The following ZFAND4 variants were observed in gnomAD, a reference collection of about 807,000 sequenced individuals.
ZFAND4 encodes AN1-type zinc finger protein 4.
ZFAND4 carries 43 observed loss-of-function variants against 64.4 expected under a neutral mutation model. That is an observed-to-expected ratio of 0.67 (90% CI 0.52 to 0.86). The LOEUF is 0.86. ZFAND4 is among the 40% of genes least tolerant of loss of function. ZFAND4 has a pLI of 0.00. For synonymous variants in ZFAND4, 296 were observed against 305.7 expected (o/e 0.97, Z 0.33); for missense variants, 929 against 859.8 (o/e 1.08, Z -1.01).
rs1296050419 is a variant in ZFAND4, at chr10:45,626,662, T to C, written c.1161A>G (p.Glu387=). 1.9e-6 allele frequency: 3 copies of C among 1,614,226 alleles called. No individual in the cohort carries two copies. In the East Asian group the frequency reaches 6.7e-5, roughly 36 times the overall value. Residue 387 remains glutamate (E), a synonymous_variant, in exon 7 of 10, where the codon GAA becomes GAG. Transcript: ENST00000344646. ...SNGNIVLPSE[E]CVTEQSLLPK... ...GTAGAAGTGATTGTTCGGTTACACA[T>C]TCTTCTGAAGGTAAGACAATGTTCC...
chr10:45,653,434 A>G (rs1166782606), intron 2 of ZFAND4, among the ~76,000 whole-genome samples: 2 of 152,202 alleles, frequency 1.3e-5, no homozygotes, highest in African/African-American at 4.8e-5. Flanking sequence ...TCTGACAAAG[A>G]TCTAATATCT....
rs567755562 is a variant in ZFAND4, at chr10:45,645,716, T to A, written c.569+2578A>T. ...TTCCCATGCTTTCAAAAGTAGAAAT[T>A]AAGTGATATCTCTATTCCCACAGAA... On this transcript the variant is annotated intron_variant, in intron 5 of 9. Transcript: ENST00000344646. Among the ~76,000 whole-genome samples, 3 of 152,286 alleles carry A rather than the reference T, an allele frequency of 2.0e-5. No individual in the cohort carries two copies. The South Asian group carries it at 6.2e-4, about 32-fold the overall frequency.
chr10:45,665,296 T>C (rs558788626), intron 1 of ZFAND4, among the ~76,000 whole-genome samples: 161 of 152,204 alleles, frequency 1.1e-3, no homozygotes, highest in African/African-American at 3.7e-3. Flanking sequence ...TCCCAGCACG[T>C]TGGGAGGCCG....
chr10:45,629,987 C>G (rs2046095350), intron 6 of ZFAND4, among the ~76,000 whole-genome samples: 1 of 152,076 alleles, frequency 6.6e-6, no homozygotes, highest in Non-Finnish European at 1.5e-5. Flanking sequence ...TACTTCCCTA[C>G]ACAAAATCCT....
rs1271512991 is a variant in ZFAND4, at chr10:45,648,480, A to G, written c.383T>C (p.Val128Ala). The change falls in exon 5 of 10, where the codon GTT (valine) becomes GCT (alanine). Residue 128 changes from valine (V) to alanine (A), a missense_variant. Val to Ala is a moderately conservative substitution (Grantham distance 64). Transcript: ENST00000344646. The stretch of plus-strand genomic sequence containing the variant: ...GCAGGAGGTCTTCTCCCAGACCTCA[A>G]CTCGACTGGAATCCAAGTACTCTGC... ...KMAEYLDSSR[V>A]EVWEKTSCSK... The G allele has an allele frequency of 6.2e-7, 1 of 1,613,566 alleles. No individual in the cohort carries two copies. The highest frequency in any genetic ancestry group is 8.5e-7 in the Non-Finnish European group (1 of 1,179,864).
Position 45,649,438 on chromosome 10 carries a change from G to C in ZFAND4, c.329-904C>G, listed in dbSNP as rs75754797. Among the ~76,000 whole-genome samples, 568 of 152,212 alleles carry C rather than the reference G, an allele frequency of 3.7e-3. 13 individuals are homozygous for C. In the East Asian group the frequency reaches 0.051, roughly 14 times the overall value. On this transcript the variant is annotated intron_variant, in intron 4 of 9. Transcript: ENST00000344646. ...GAAACATCTGTTTTCTCCTAAAAGA[G>C]GTAAAGATTTCCCAAGCTGCATAAC...
At chr10:45,664,929 C>G (rs559098486) in intron 1 of ZFAND4, among the ~76,000 whole-genome samples, 1 of 150,666 alleles carries the variant, frequency 6.6e-6, no homozygotes, top group East Asian at 2.0e-4. Flanking sequence ...AGACTCTGGT[C>G]TCAAAAACAA....
intron 6 of ZFAND4, among the ~76,000 whole-genome samples, chr10:45,633,991 C>A (rs2046385240): frequency 1.3e-5 from 2 of 152,038 alleles, no homozygotes; most frequent in Admixed American, 1.3e-4. Flanking sequence ...ATTATTAAGA[C>A]CTGGGAAATA....
At chr10:45,618,043 T>A in intron 9 of ZFAND4, 97 bp downstream of exon 9, 1 of 1,274,950 alleles carries the variant, frequency 7.8e-7, no homozygotes, top group South Asian at 1.5e-5. Context: ...ATCTTAATGA[T>A]GTTATAAACA....
chr10:45,622,034 CAAG>C (rs1484443892), intron 8 of ZFAND4, among the ~76,000 whole-genome samples: 1 of 151,994 alleles, frequency 6.6e-6, no homozygotes, highest in East Asian at 1.9e-4. Flanking sequence ...TGCAAATTTC[CAAG>C]AAGATCAGTT....
At chr10:45,625,391 G>A (rs1293369266) in intron 7 of ZFAND4, among the ~76,000 whole-genome samples, 1 of 149,194 alleles carries the variant, frequency 6.7e-6, no homozygotes, top group African/African-American at 2.5e-5. Flanking sequence ...GGAGAATGGC[G>A]TGAACCCGGG....
rs2044933243 is a variant in ZFAND4 at position 45,616,276 on chromosome 10, T to C, written c.*160A>G. 4 of 946,830 alleles carry C rather than the reference T, an allele frequency of 4.2e-6. No individual in the cohort carries two copies. In the South Asian group the frequency reaches 8.4e-5, roughly 20 times the overall value. 58.7% of individuals were successfully genotyped at this position (946,830 alleles called of 1,614,324 possible). ...CTTTTGTTTCACCAAGAAATAAAGA[T>C]GTAAAATACAGTAGCATTCTTGTTC... On this transcript the variant is annotated 3_prime_UTR_variant, in exon 10 of 10. Transcript: ENST00000344646.
Position 45,663,589 on chromosome 10 carries a change from G to A in ZFAND4, c.137C>T (p.Pro46Leu). The A allele has an allele frequency of 6.2e-7, 1 of 1,607,194 alleles. No individual in the cohort carries two copies. The highest frequency in any genetic ancestry group is 8.5e-7 in the Non-Finnish European group (1 of 1,178,114). ...TTTCACAGAAATAACAGTTTCAAAA[G>A]GTGAAACTCTCAGCTCAAAACATGT... ...TGTCFELRVSPFETVISVKAK... is the reference protein window; with the variant it reads ...TGTCFELRVSLFETVISVKAK... Residue 46 changes from proline to leucine, a missense_variant, in exon 2 of 10, where the codon CCT (proline) becomes CTT (leucine). Coordinates refer to ENST00000344646, the MANE Select transcript of ZFAND4 (RefSeq NM_174890.4).
chr10:45,662,944 C>A (rs1424936641), intron 2 of ZFAND4, among the ~76,000 whole-genome samples: 6 of 152,078 alleles, frequency 3.9e-5, no homozygotes, highest in African/African-American at 1.2e-4. Context: ...TTGCAGAAAT[C>A]TGCAAAATGC....
At chr10:45,648,835 C>T (rs763230835) in intron 4 of ZFAND4, 7 of 687,982 alleles carry the variant, frequency 1.0e-5, no homozygotes, top group Non-Finnish European at 1.3e-5. Flanking sequence ...CCCTATGTCA[C>T]TAGAGTCTGT....
At chr10:45,660,223 C>T (rs917473896) in intron 2 of ZFAND4, among the ~76,000 whole-genome samples, 25 of 150,958 alleles carry the variant, frequency 1.7e-4, no homozygotes, top group African/African-American at 5.8e-4. Context: ...CAGTGGTATG[C>T]ACTTGTAGTC....
chr10:45,616,258 T>C lies in ZFAND4; in HGVS notation c.*178A>G. On this transcript the variant is annotated 3_prime_UTR_variant, in exon 10 of 10. Transcript: ENST00000344646. Reference sequence around the variant, plus strand: ...TTAAAACTACTTTTAAAACTTTTGTTTCACCAAGAAATAAAGATGTAAAAT... The same window carrying C: ...TTAAAACTACTTTTAAAACTTTTGTCTCACCAAGAAATAAAGATGTAAAAT... 1.2e-6 allele frequency: 1 copy of C among 843,904 alleles called. No individual in the cohort carries two copies. The highest frequency in any genetic ancestry group is 1.7e-6 in the Non-Finnish European group (1 of 581,206). The allele number at this position is 843,904 out of a possible 1,614,324, so 52.3% of individuals were successfully genotyped here. A position where few individuals can be genotyped will look rare whatever the true frequency, so the allele number is the denominator to read the frequency against.
chr10:45,633,228 A>T (rs1011018332), intron 6 of ZFAND4, among the ~76,000 whole-genome samples: 1 of 152,110 alleles, frequency 6.6e-6, no homozygotes, highest in African/African-American at 2.4e-5. Context: ...AAAAAAAAAA[A>T]AACTTTAATA....
chr10:45,645,644 TAAC>T (rs1436300662), intron 5 of ZFAND4, among the ~76,000 whole-genome samples: 9 of 152,208 alleles, frequency 5.9e-5, no homozygotes, highest in East Asian at 1.9e-4. Context: ...AATGTCATGT[TAAC>T]AACAACTAGT....
Sources: allele counts gnomAD v4.1 joint callset (sites outside exome capture counted in the v4.1 genomes callset), GRCh38; gene constraint gnomAD v4.1.1; transcripts MANE v1.5; gene names NCBI Gene and HGNC (gene_info 2026-07-23, HGNC 2026-07-21).